SCOC: variants seen among roughly 807,000 people sequenced by gnomAD.
SCOC encodes the protein short coiled coil protein.
In SCOC, 7 loss-of-function variants were observed where a neutral mutation model predicts 9.9. That is an observed-to-expected ratio of 0.71 (90% confidence interval 0.40 to 1.33). The LOEUF is 1.33. Among genes scored for constraint, SCOC ranks in the 40% most tolerant of loss-of-function variants. The probability of loss-of-function intolerance (pLI) is 0.01; values close to 1 mark genes in which losing one functional copy is unlikely to be tolerated. For synonymous variants in SCOC, 19 were observed against 28.2 expected, an observed-to-expected ratio of 0.67 and a Z score of 1.03; for missense variants, 66 against 89.7, an observed-to-expected ratio of 0.74 and a Z score of 1.07.
upstream of SCOC, chr4:140,373,351 T>A: frequency 7.0e-7 from 1 of 1,429,512 alleles, no homozygotes; most frequent in Non-Finnish European, 9.1e-7. Context: ...TCAGGTTTCC[T>A]GATAGACCTG....
intron 1 of SCOC, among the ~76,000 whole-genome samples, chr4:140,273,479 C>G (rs1414212498): frequency 6.8e-6 from 1 of 147,834 alleles, no homozygotes; most frequent in Non-Finnish European, 1.5e-5. Context: ...GCCTAATTTT[C>G]TCCTTTTGCT....
upstream of SCOC, among the ~76,000 whole-genome samples, chr4:140,340,334 A>C (rs1726457300): frequency 6.6e-6 from 1 of 152,116 alleles, no homozygotes; most frequent in Admixed American, 6.5e-5. Context: ...TAGCATTAGG[A>C]GATATAACTA....
chr4:140,348,890 A>T (rs1303107840), intron 2 of SCOC, among the ~76,000 whole-genome samples: 2 of 152,142 alleles, frequency 1.3e-5, no homozygotes, highest in Non-Finnish European at 2.9e-5. Context: ...CATCTTTTTT[A>T]TAATAGCCAT....
intron 2 of SCOC, among the ~76,000 whole-genome samples, chr4:140,351,851 T>A (rs573545126): frequency 2.0e-5 from 3 of 152,226 alleles, no homozygotes; most frequent in Admixed American, 1.3e-4. Context: ...GACTTGTGGC[T>A]CCCCAGCTGA....
At chr4:140,263,515 CTTTG>C (rs1730674046) in intron 1 of SCOC, among the ~76,000 whole-genome samples, 1 of 152,052 alleles carries the variant, frequency 6.6e-6, no homozygotes, top group Non-Finnish European at 1.5e-5. Context: ...TGAAGCAGGC[CTTTG>C]TTTGAGATGA....
At chr4:140,285,685 C>T (rs1412907380) in intron 1 of SCOC, among the ~76,000 whole-genome samples, 2 of 152,126 alleles carry the variant, frequency 1.3e-5, no homozygotes, top group Non-Finnish European at 2.9e-5. Context: ...GTAATACAGG[C>T]TAGGTAGGTT....
In SCOC at chr4:140,381,201, T is replaced by G. The variant is rs1031569911; in HGVS notation, c.*97T>G. 8.3e-7 allele frequency: 1 copy of G among 1,202,492 alleles called. No homozygotes were observed. Among genetic ancestry groups the G allele is most frequent in the East Asian group, 2.6e-5 (1 of 38,496 alleles). The allele number at this position is 1,202,492 out of a possible 1,614,324, so 74.5% of individuals were successfully genotyped here. A position where few individuals can be genotyped will look rare whatever the true frequency, so the allele number is the denominator to read the frequency against. On this transcript the variant is annotated 3_prime_UTR_variant, in exon 4 of 4. Transcript: ENST00000608372. ...AAGTTACAGTACCTTTGTGGCTTCA[T>G]TGAATATTTATGAAGATAATGTCAG...
chr4:140,366,437 G>A, intron 2 of SCOC: 1 of 1,472,172 alleles, frequency 6.8e-7, no homozygotes, highest in Non-Finnish European at 9.4e-7. Flanking sequence ...CTTCGCAGCA[G>A]GTGCTTTTTT....
intron 1 of SCOC, among the ~76,000 whole-genome samples, chr4:140,302,892 G>A (rs565604664): frequency 6.6e-5 from 10 of 151,560 alleles, no homozygotes; most frequent in South Asian, 2.1e-4. Flanking sequence ...ATTCAAGGGC[G>A]GTTTCTTTTA....
chr4:140,361,909 T>C (rs1169845335), intron 2 of SCOC, among the ~76,000 whole-genome samples: 1 of 152,104 alleles, frequency 6.6e-6, no homozygotes, highest in East Asian at 1.9e-4. Context: ...ACTCTAGAAC[T>C]CATAATTCTA....
intron 2 of SCOC, among the ~76,000 whole-genome samples, chr4:140,367,165 A>G (rs1727839912): frequency 6.6e-6 from 1 of 152,052 alleles, no homozygotes; most frequent in Admixed American, 6.5e-5. Context: ...AAATCGCACC[A>G]CTGCACTCCA....
At chr4:140,291,594 ATCCTT>A (rs1324436355) in intron 1 of SCOC, 1 of 445,742 alleles carries the variant, frequency 2.2e-6, no homozygotes, top group African/African-American at 2.0e-5. Flanking sequence ...TATAATCAAT[ATCCTT>A]TCTCGGTCAC....
chr4:140,374,887 C>G (rs1263997894), intron 1 of SCOC, among the ~76,000 whole-genome samples: 1 of 152,190 alleles, frequency 6.6e-6, no homozygotes, highest in Non-Finnish European at 1.5e-5. Flanking sequence ...CTGTAAATTG[C>G]AGTTTCCTTC....
chr4:140,263,333 C>A (rs913296646), intron 1 of SCOC, among the ~76,000 whole-genome samples: 8 of 152,166 alleles, frequency 5.3e-5, no homozygotes, highest in Non-Finnish European at 1.0e-4. Flanking sequence ...AGACTCCAAC[C>A]AACTTGCACA....
In SCOC at chr4:140,382,468, T is replaced by TTGCA. The variant is rs1445875949; in HGVS notation, c.*1366_*1369dup. On this transcript the variant is annotated 3_prime_UTR_variant, in exon 4 of 4. Transcript: ENST00000608372. ...ATATAATAGTCAAACTGCAAACATT[T>TTGCA]TGCATCCCTTTTGTGACCTAATTTA... is the stretch of plus-strand genomic sequence containing the variant. The TTGCA allele has an allele frequency of 1.3e-5, 2 of 152,636 alleles. No homozygotes were observed. The highest frequency in any genetic ancestry group is 2.9e-5 in the Non-Finnish European group (2 of 68,030). The allele number at this position is 152,636 out of a possible 1,614,324, so 9.5% of individuals were successfully genotyped here.
intron 2 of SCOC, among the ~76,000 whole-genome samples, chr4:140,364,130 T>C (rs1483079293): frequency 2.0e-5 from 3 of 152,002 alleles, no homozygotes; most frequent in Admixed American, 1.3e-4. Flanking sequence ...AAAATACCTT[T>C]TTATCTAGTA....
intron 1 of SCOC, among the ~76,000 whole-genome samples, chr4:140,302,930 C>T (rs1246271405): frequency 6.6e-6 from 1 of 151,004 alleles, no homozygotes; most frequent in Non-Finnish European, 1.5e-5. Flanking sequence ...ATGAAATGCT[C>T]AATGATGACA....
At chr4:140,323,498 G>T (rs1732560020) in intron 1 of SCOC, among the ~76,000 whole-genome samples, 1 of 152,022 alleles carries the variant, frequency 6.6e-6, no homozygotes, top group South Asian at 2.1e-4. Context: ...GGTTAAGCTG[G>T]CCAAGAAAAA....
chr4:140,379,821 T>A (rs1728494841), intron 3 of SCOC, among the ~76,000 whole-genome samples, 169 bp downstream of exon 3: 1 of 152,218 alleles, frequency 6.6e-6, no homozygotes, highest in South Asian at 2.1e-4. Context: ...AAAGAACAGA[T>A]ACACTTCAGT....
Sources: gnomAD v4.1 joint callset for allele counts (sites outside exome capture counted in the v4.1 genomes callset) on GRCh38, gnomAD v4.1.1 for gene constraint, MANE v1.5 for transcripts, NCBI Gene and HGNC (gene_info 2026-07-23, HGNC 2026-07-21) for gene names.